Variants in MALRD1 observed in about 807,000 individuals in gnomAD.
The protein encoded by MALRD1 is MAM and LDL receptor class A domain containing 1, also known as MAM and LDL-receptor class A domain-containing protein 1.
A neutral mutation model predicts 242.1 loss-of-function variants in MALRD1; 247 were observed. That is an observed-to-expected ratio of 1.02 (90% CI 0.92 to 1.13). The LOEUF (loss-of-function observed/expected upper bound fraction) is 1.13, where lower values mean the gene tolerates loss of function less well. MALRD1 is among the 50% of genes most tolerant of loss of function. MALRD1 has a pLI of 0.00. For missense variants in MALRD1, 2,989 were observed against 2,533.1 expected (o/e 1.18, Z -3.86); for synonymous variants, 995 against 866.6 (o/e 1.15, Z -2.60).
At chr10:19,327,751 C>A in intron 23 of MALRD1, 78 bp downstream of exon 23, 3 of 1,160,804 alleles carry the variant, frequency 2.6e-6, no homozygotes, top group Non-Finnish European at 3.7e-6. Flanking sequence ...TCTCTACTCA[C>A]AGTCTTCTTG....
chr10:19,105,378 C>T (rs1220210293), intron 5 of MALRD1, among the ~76,000 whole-genome samples: 1 of 151,900 alleles, frequency 6.6e-6, no homozygotes, highest in Non-Finnish European at 1.5e-5. Context: ...AATCCTATTG[C>T]ATGTATGTTA....
intron 31 of MALRD1, among the ~76,000 whole-genome samples, chr10:19,528,109 G>A (rs991651257): frequency 5.9e-5 from 9 of 151,974 alleles, no homozygotes; most frequent in African/African-American, 2.2e-4. Context: ...TTTTTTCTGT[G>A]GCATTAAGTA....
intron 33 of MALRD1, among the ~76,000 whole-genome samples, chr10:19,568,496 T>C (rs897745459): frequency 5.3e-5 from 8 of 152,220 alleles, no homozygotes; most frequent in African/African-American, 1.9e-4. Context: ...TGACACACCC[T>C]ATCTAAAACA....
chr10:19,323,948 G>A lies in MALRD1; in HGVS notation c.3420-1G>A. On this transcript the variant is annotated splice_acceptor_variant, in intron 21 of 39. Transcript: ENST00000454679. LOFTEE classifies it high-confidence loss of function. ...TATAATATGATAAATTCCTTTTCCAGAAATACCACTGATGGCTGGTACCTG... is the reference window on the plus strand; with the variant it reads ...TATAATATGATAAATTCCTTTTCCAAAAATACCACTGATGGCTGGTACCTG... The A allele has an allele frequency of 6.4e-7, 1 of 1,550,416 alleles. No individual in the cohort carries two copies. Among genetic ancestry groups the A allele is most frequent in the South Asian group, 1.2e-5 (1 of 84,052 alleles).
At chr10:19,232,357 T>C (rs1010068100) in intron 18 of MALRD1, among the ~76,000 whole-genome samples, 3 of 147,446 alleles carry the variant, frequency 2.0e-5, no homozygotes, top group African/African-American at 5.0e-5. Flanking sequence ...TTTTTTTTTT[T>C]AGTAGAGATG....
At chr10:19,113,182 G>A (rs908853577) in intron 5 of MALRD1, among the ~76,000 whole-genome samples, 7 of 151,836 alleles carry the variant, frequency 4.6e-5, no homozygotes, top group African/African-American at 1.7e-4. Context: ...CCTATGGCCA[G>A]GTCTCCACTT....
intron 14 of MALRD1, among the ~76,000 whole-genome samples, chr10:19,198,938 A>T (rs1836387817): frequency 6.6e-6 from 1 of 152,222 alleles, no homozygotes; most frequent in South Asian, 2.1e-4. Flanking sequence ...ACCTTATGAT[A>T]ACTTCAAACA....
intron 26 of MALRD1, among the ~76,000 whole-genome samples, chr10:19,353,166 C>G (rs1844471839): frequency 1.3e-5 from 2 of 151,994 alleles, no homozygotes; most frequent in Non-Finnish European, 2.9e-5. Context: ...TCCACCACAC[C>G]TGGCAAGTTT....
chr10:19,094,713 A>T (rs886859083), intron 4 of MALRD1, among the ~76,000 whole-genome samples: 1 of 152,180 alleles, frequency 6.6e-6, no homozygotes, highest in East Asian at 1.9e-4. Flanking sequence ...AGACTGTTTA[A>T]ATACTTATTC....
intron 26 of MALRD1, among the ~76,000 whole-genome samples, chr10:19,370,485 G>C (rs1280796762): frequency 6.6e-6 from 1 of 152,028 alleles, no homozygotes. Flanking sequence ...TTATCGTTAA[G>C]TCATACTGGT....
In MALRD1 at chr10:19,087,680, G is replaced by T. The variant is rs920036467; in HGVS notation, c.341-160G>T. ...ATGGGGTATCCATCCCCTAAGCATTGATCTTTTATGTTACAAACAATCCAA... is the reference window on the plus strand; with the variant it reads ...ATGGGGTATCCATCCCCTAAGCATTTATCTTTTATGTTACAAACAATCCAA... On this transcript the variant is annotated intron_variant, in intron 2 of 39. Transcript: ENST00000454679. 1.8e-4 allele frequency among the ~76,000 whole-genome samples: 28 copies of T among 151,708 alleles called. 1 individual carries two copies. The highest frequency in any genetic ancestry group is 6.8e-4 in the African/African-American group (28 of 41,340).
At chr10:19,352,989 A>G (rs1219014302) in intron 26 of MALRD1, among the ~76,000 whole-genome samples, 3 of 152,026 alleles carry the variant, frequency 2.0e-5, no homozygotes, top group Non-Finnish European at 4.4e-5. Context: ...CAGTGATATG[A>G]TAGATACTAC....
At chr10:19,136,538 T>C in intron 9 of MALRD1, 36 bp from the exon 10 acceptor site, 1 of 1,163,952 alleles carries the variant, frequency 8.6e-7, no homozygotes, top group Non-Finnish European at 1.1e-6. Flanking sequence ...ATTAAGGAGA[T>C]TGCAAACTCA....
At chr10:19,584,683 GA>G (rs1349067458) in intron 33 of MALRD1, among the ~76,000 whole-genome samples, 3 of 151,662 alleles carry the variant, frequency 2.0e-5, no homozygotes, top group African/African-American at 7.3e-5. Flanking sequence ...GTGTGGTGCT[GA>G]AAAAAATGTA....
chr10:19,285,356 G>A (rs1364589060), intron 21 of MALRD1, among the ~76,000 whole-genome samples: 2 of 142,310 alleles, frequency 1.4e-5, no homozygotes, highest in East Asian at 2.2e-4. Flanking sequence ...GTAATGCCTA[G>A]GTTTTCTTCT....
At chr10:19,661,161 A>G (rs1432213304) in intron 36 of MALRD1, among the ~76,000 whole-genome samples, 1 of 152,210 alleles carries the variant, frequency 6.6e-6, no homozygotes, top group Non-Finnish European at 1.5e-5. Flanking sequence ...ATGTGGAGAA[A>G]TAGGAACGCT....
At chr10:19,508,496 T>G (rs1051650064) in intron 31 of MALRD1, among the ~76,000 whole-genome samples, 33 of 152,174 alleles carry the variant, frequency 2.2e-4, no homozygotes, top group Admixed American at 3.9e-4. Context: ...TCAAAACACT[T>G]TCTCCTGAAC....
intron 21 of MALRD1, among the ~76,000 whole-genome samples, chr10:19,321,908 T>C (rs532193312): frequency 4.6e-5 from 7 of 152,248 alleles, no homozygotes; most frequent in Non-Finnish European, 8.8e-5. Context: ...GAAGAATGAA[T>C]AGAGTGAATC....
intron 36 of MALRD1, among the ~76,000 whole-genome samples, chr10:19,669,177 G>A (rs1381343363): frequency 1.3e-5 from 2 of 152,224 alleles, no homozygotes; most frequent in African/African-American, 4.8e-5. Context: ...GGAAGATAAT[G>A]GAGAAGCTCT....
Sources: gnomAD v4.1 joint callset for allele counts (sites outside exome capture counted in the v4.1 genomes callset) on GRCh38, gnomAD v4.1.1 for gene constraint, MANE v1.5 for transcripts, NCBI Gene and HGNC (gene_info 2026-07-23, HGNC 2026-07-21) for gene names.